The following MINK1 variants were observed in gnomAD, a reference collection of about 807,000 sequenced individuals.
MINK1 encodes misshapen-like kinase 1.
MINK1 carries 46 observed loss-of-function variants against 178.4 expected under a neutral mutation model. That is an observed-to-expected ratio of 0.26 (90% CI 0.20 to 0.33). The LOEUF (loss-of-function observed/expected upper bound fraction) is 0.33, where lower values mean the gene tolerates loss of function less well. MINK1 is among the 10% of genes least tolerant of loss of function. MINK1 has a pLI of 1.00. For missense variants in MINK1, 1,366 were observed against 1,814.9 expected (o/e 0.75, Z 4.49); for synonymous variants, 797 against 709.7 (o/e 1.12, Z -1.96).
chr17:4,871,628 T>C (rs1915867416), intron 1 of MINK1, among the ~76,000 whole-genome samples: 1 of 152,180 alleles, frequency 6.6e-6, no homozygotes, highest in Non-Finnish European at 1.5e-5. Context: ...AATCCTCCTG[T>C]GGGCATCCAT....
chr17:4,880,715 C>T (rs558748529), intron 2 of MINK1, among the ~76,000 whole-genome samples: 179 of 151,110 alleles, frequency 1.2e-3, no homozygotes, highest in Non-Finnish European at 1.5e-3. Flanking sequence ...CTGGCTAACA[C>T]GGTGAAACCC....
chr17:4,837,322 T>C (rs972932390), intron 1 of MINK1, among the ~76,000 whole-genome samples: 7 of 152,232 alleles, frequency 4.6e-5, no homozygotes, highest in African/African-American at 9.6e-5. Flanking sequence ...CAGAAGTGCC[T>C]CTTACAACAC....
At chr17:4,856,245 C>T (rs534100396) in intron 1 of MINK1, among the ~76,000 whole-genome samples, 1 of 152,116 alleles carries the variant, frequency 6.6e-6, no homozygotes, top group Non-Finnish European at 1.5e-5. Flanking sequence ...CTTCTTCAGG[C>T]CTGGGAGGCC....
At position 4,885,529 on chromosome 17, in the gene MINK1, G is replaced by C; in HGVS notation, c.555G>C (p.Arg185=). The C allele has an allele frequency of 6.2e-7, 1 of 1,613,976 alleles. No homozygotes were observed. Among genetic ancestry groups the C allele is most frequent in the East Asian group, 2.2e-5 (1 of 44,880 alleles). Residue 185 remains arginine (R), a synonymous_variant, in exon 7 of 32, where the codon CGG becomes CGC. Transcript: ENST00000355280. The surrounding 1 kb of genome is among the most constrained non-coding windows in gnomAD (Gnocchi z 5.0). ...AGCTGGACCGCACCGTGGGCAGACG[G>C]AACACTTTCATTGGGACTCCCTACT... ...SAQLDRTVGR[R]NTFIGTPYWM...
At chr17:4,866,242 T>C (rs1392850816) in intron 1 of MINK1, among the ~76,000 whole-genome samples, 4 of 151,760 alleles carry the variant, frequency 2.6e-5, no homozygotes, top group African/African-American at 9.7e-5. Flanking sequence ...CCAAGACAGA[T>C]GGATCACGAG....
At chr17:4,837,701 C>CT (rs1478330837) in intron 1 of MINK1, among the ~76,000 whole-genome samples, 1 of 152,228 alleles carries the variant, frequency 6.6e-6, no homozygotes, top group East Asian at 1.9e-4. Flanking sequence ...TGCATTGCTC[C>CT]TTTTGGTTGA....
chr17:4,871,724 T>G (rs1432572257), intron 1 of MINK1, among the ~76,000 whole-genome samples: 1 of 152,218 alleles, frequency 6.6e-6, no homozygotes, highest in African/African-American at 2.4e-5. Context: ...GATAACTCAT[T>G]GTTTAACATT....
intron 1 of MINK1, among the ~76,000 whole-genome samples, chr17:4,855,974 C>CAA (rs60062875): frequency 1.7e-5 from 2 of 119,160 alleles, no homozygotes. Flanking sequence ...GACTCTATCT[C>CAA]AAAAAAAAAA....
chr17:4,886,235 T>C lies in MINK1; in HGVS notation c.773+37T>C. 6.2e-7 allele frequency: 1 copy of C among 1,605,504 alleles called. No homozygotes were observed. Among genetic ancestry groups the C allele is most frequent in the Non-Finnish European group, 8.5e-7 (1 of 1,172,216 alleles). ...AGAGTGTGGGCTCTGGGAAGGAAGG[T>C]CCCTGGACAAGGCCATCCCCACCTT... On this transcript the variant is annotated intron_variant, in intron 9 of 31. Coordinates refer to ENST00000355280, the MANE Select transcript of MINK1 (RefSeq NM_153827.5). The surrounding 1 kb of genome is among the most constrained non-coding windows in gnomAD (Gnocchi z 6.1).
In MINK1 at chr17:4,896,570, G is replaced by T; in HGVS notation, c.3757G>T (p.Glu1253Ter). 6.2e-7 allele frequency: 1 copy of T among 1,613,922 alleles called. No homozygotes were observed. Among genetic ancestry groups the T allele is most frequent in the Non-Finnish European group, 8.5e-7 (1 of 1,179,848 alleles). ...IIKDVVLQWG[E>*]MPTSVAYICS... ...TAAGGATGTGGTGCTGCAGTGGGGGGAGATGCCTACTTCTGTGGGTGAGTG... is the reference window on the plus strand; with the variant it reads ...TAAGGATGTGGTGCTGCAGTGGGGGTAGATGCCTACTTCTGTGGGTGAGTG... The change falls in exon 30 of 32, where the codon GAG becomes TAG. Residue 1253 changes from glutamate (E) to a stop codon, truncating the protein, a stop_gained. Transcript: ENST00000355280. LOFTEE classifies it high-confidence loss of function. This position sits in a 1 kb window ranked among gnomAD's most constrained non-coding sequence, Gnocchi z 4.6.
At position 4,896,757 on chromosome 17, in the gene MINK1, G is replaced by T; in HGVS notation, c.3859G>T (p.Val1287Phe). 6.3e-7 allele frequency: 1 copy of T among 1,600,000 alleles called. No individual in the cohort carries two copies. The highest frequency in any genetic ancestry group is 8.5e-7 in the Non-Finnish European group (1 of 1,172,388). Reference protein sequence around the residue: ...RSVETGHLDGVFMHKRAQRLK... With the variant: ...RSVETGHLDGFFMHKRAQRLK... ...TGTGGAGACGGGCCACCTCGACGGG[G>T]TCTTCATGCACAAACGAGCTCAGAG... The change falls in exon 31 of 32, where the codon GTC (valine) becomes TTC (phenylalanine). Residue 1287 changes from valine to phenylalanine, a missense_variant. This residue lies in a region of MINK1 where 201 missense variants were observed against 240.7 expected (regional missense o/e 0.84). Transcript: ENST00000355280. The surrounding 1 kb of genome is among the most constrained non-coding windows in gnomAD (Gnocchi z 4.6).
In MINK1 at chr17:4,895,498, A is replaced by T. The variant is rs750627249; in HGVS notation, c.3229+5A>T. ...ACCTGCTCATCACCATCTCAGGTAC[A>T]GGTGTGGTGAGTGGGGGAGGGAGGA... On this transcript the variant is annotated splice_donor_5th_base_variant and intron_variant, in intron 26 of 31. Coordinates refer to ENST00000355280, the MANE Select transcript of MINK1 (RefSeq NM_153827.5). The surrounding 1 kb of genome is among the most constrained non-coding windows in gnomAD (Gnocchi z 4.3). 2.6e-6 allele frequency: 4 copies of T among 1,568,568 alleles called. No individual in the cohort carries two copies. Among genetic ancestry groups the T allele is most frequent in the Non-Finnish European group, 3.5e-6 (4 of 1,154,632 alleles).
At chr17:4,873,769 C>A (rs1404825246) in intron 1 of MINK1, among the ~76,000 whole-genome samples, 1 of 152,008 alleles carries the variant, frequency 6.6e-6, no homozygotes, top group Non-Finnish European at 1.5e-5. Context: ...CAGGTGCCCA[C>A]CACCATATCC....
At position 4,890,570 on chromosome 17, in the gene MINK1, G is replaced by A. The variant is rs1186893531; in HGVS notation, c.1401G>A (p.Arg467=). Reference sequence around the variant, plus strand: ...AGCGGCAGTCAGAACGTCTCCAGAGGCAGCTGCAGCAGGAGCATGCCTACC... The same window carrying A: ...AGCGGCAGTCAGAACGTCTCCAGAGACAGCTGCAGCAGGAGCATGCCTACC... ...EEQRQSERLQ[R]QLQQEHAYLK... The change falls in exon 14 of 32, where the codon AGG becomes AGA. Residue 467 remains arginine, a synonymous_variant. Transcript: ENST00000355280. 1 of 1,579,430 alleles carries A rather than the reference G, an allele frequency of 6.3e-7. No individual in the cohort carries two copies. The highest frequency in any genetic ancestry group is 8.6e-7 in the Non-Finnish European group (1 of 1,163,654).
In MINK1 at chr17:4,887,803, C is replaced by T. The variant is rs760964280; in HGVS notation, c.1230+13C>T. Reference sequence around the variant, plus strand: ...CCGCGTGGAGGAGGTGGGCTGTCTCCGAAGGGCCCAGGCCTGGCGCGGCCT... The same window carrying T: ...CCGCGTGGAGGAGGTGGGCTGTCTCTGAAGGGCCCAGGCCTGGCGCGGCCT... On this transcript the variant is annotated intron_variant, in intron 12 of 31. Transcript: ENST00000355280. This position sits in a 1 kb window ranked among gnomAD's most constrained non-coding sequence, Gnocchi z 7.6. 1.0e-4 allele frequency: 154 copies of T among 1,492,692 alleles called. 1 individual carries two copies. In the East Asian group the frequency reaches 3.0e-3, roughly 29 times the overall value. 92.5% of individuals were successfully genotyped at this position (1,492,692 alleles called of 1,614,324 possible).
chr17:4,893,274 G>A (rs1481424709), intron 20 of MINK1, 160 bp from the exon 21 acceptor site: 1 of 1,613,636 alleles, frequency 6.2e-7, no homozygotes. Context: ...CTTCCCCTGC[G>A]GCCCCTCCCA....
intron 1 of MINK1, among the ~76,000 whole-genome samples, chr17:4,855,485 C>CA (rs151339855): frequency 0.71 from 65,667 of 92,356 alleles, 25,536 homozygotes; most frequent in East Asian, 0.92. Flanking sequence ...GACTCCATCT[C>CA]AAAAAAAAAA....
At chr17:4,880,081 A>G (rs1967553445) in intron 2 of MINK1, among the ~76,000 whole-genome samples, 1 of 152,154 alleles carries the variant, frequency 6.6e-6, no homozygotes, top group Non-Finnish European at 1.5e-5. Context: ...AGTCCAAGCC[A>G]GAGAGGCTGG....
At position 4,884,932 on chromosome 17, in the gene MINK1, C is replaced by G; in HGVS notation, c.438C>G (p.Ala146=). 2 of 1,613,934 alleles carry G rather than the reference C, an allele frequency of 1.2e-6. No individual in the cohort carries two copies. The highest frequency in any genetic ancestry group is 1.1e-5 in the South Asian group (1 of 91,064). Residue 146 remains alanine, a synonymous_variant, in exon 6 of 32, where the codon GCC becomes GCG. Coordinates refer to ENST00000355280, the MANE Select transcript of MINK1 (RefSeq NM_153827.5). ...EILRGLAHLH[A]HKVIHRDIKG... is the part of the protein sequence containing the mutation. ...CCCAGGGTCTGGCCCATCTCCATGC[C>G]CACAAGGTGATCCATCGAGACATCA...
Sources: gnomAD v4.1 joint callset for allele counts (sites outside exome capture counted in the v4.1 genomes callset) on GRCh38, gnomAD v4.1.1 for gene constraint, gnomAD v4.1.1 regional missense constraint, Gnocchi (gnomAD v3.1) non-coding constraint, MANE v1.5 for transcripts, NCBI Gene and HGNC (gene_info 2026-07-23, HGNC 2026-07-21) for gene names.